GRHL3: variants seen among roughly 807,000 people sequenced by gnomAD.
GRHL3 encodes the protein grainyhead-like protein 3 homolog.
GRHL3 carries 20 observed loss-of-function variants against 70.3 expected under a neutral mutation model. That is an observed-to-expected ratio of 0.28 (90% CI 0.20 to 0.41). GRHL3 has a LOEUF of 0.41. Among genes scored for constraint, GRHL3 ranks in the 10% least tolerant of loss-of-function variants. The pLI is 1.00. For synonymous variants in GRHL3, 299 were observed against 299.9 expected, an observed-to-expected ratio of 1.00 and a Z score of 0.03; for missense variants, 637 against 762.3, an observed-to-expected ratio of 0.84 and a Z score of 1.94.
chr1:24,361,232 G>A (rs1486881198), intron 15 of GRHL3, among the ~76,000 whole-genome samples: 1 of 152,166 alleles, frequency 6.6e-6, no homozygotes, highest in African/African-American at 2.4e-5. Flanking sequence ...TCTGCACATG[G>A]CAATCATGAT....
chr1:24,330,866 C>G (rs1639576751), intron 1 of GRHL3, among the ~76,000 whole-genome samples: 1 of 152,246 alleles, frequency 6.6e-6, no homozygotes, highest in East Asian at 1.9e-4. Flanking sequence ...GCTCAAAACT[C>G]TACAATAAAA....
downstream of GRHL3, among the ~76,000 whole-genome samples, chr1:24,356,426 A>G (rs1216133338): frequency 1.3e-5 from 2 of 151,486 alleles, no homozygotes; most frequent in Admixed American, 6.6e-5. Context: ...TTTTTAGTAA[A>G]GATGGGGTTT....
At chr1:24,362,661 T>C (rs970827469) in intron 15 of GRHL3, among the ~76,000 whole-genome samples, 4 of 152,208 alleles carry the variant, frequency 2.6e-5, no homozygotes, top group African/African-American at 7.2e-5. Flanking sequence ...TGCTGCTTGG[T>C]GACAGACAGG....
chr1:24,358,437 T>C (rs1471955577), downstream of GRHL3: 7 of 954,910 alleles, frequency 7.3e-6, no homozygotes, highest in Non-Finnish European at 1.2e-5. Context: ...ACCCCCCAAG[T>C]TGTCAGCTGC....
Position 24,331,495 on chromosome 1 carries a change from T to C in GRHL3, c.87T>C (p.Asp29=), listed in dbSNP as rs1639612472. 1 of 1,614,124 alleles carries C rather than the reference T, an allele frequency of 6.2e-7. No individual in the cohort carries two copies. Among genetic ancestry groups the C allele is most frequent in the African/African-American group, 1.3e-5 (1 of 75,030 alleles). ...NLQKFSYTSE[D]EAWKTYLENP... ...AGAAATTCTCTTACACTAGTGAGGA[T>C]GAGGCCTGGAAGACGTACCTAGAAA... Residue 29 remains aspartate (D), a synonymous_variant, in exon 2 of 16, where the codon GAT becomes GAC. Coordinates refer to ENST00000361548, the MANE Select transcript of GRHL3 (RefSeq NM_198173.3).
rs946439477 is a variant in GRHL3, at chr1:24,347,483, G to A, written c.1559G>A (p.Arg520Gln). Residue 520 changes from arginine to glutamine, a missense_variant, in exon 14 of 16, where the codon CGG becomes CAG. By Grantham distance (43) the Arg-to-Gln change is conservative. Transcript: ENST00000361548. ...TGCTTTTCAGTTCTGCTGTATGTGC[G>A]GAGGGAGACTGAGGAGGTGTTTGAC... is the stretch of plus-strand genomic sequence containing the variant. ...GDLQRVLLYV[R>Q]RETEEVFDAL... The A allele has an allele frequency of 3.7e-6, 6 of 1,613,984 alleles. No individual in the cohort carries two copies. Among genetic ancestry groups the A allele is most frequent in the Middle Eastern group, 1.6e-4 (1 of 6,084 alleles).
chr1:24,330,404 G>A (rs1557693086), intron 1 of GRHL3, among the ~76,000 whole-genome samples: 1 of 152,106 alleles, frequency 6.6e-6, no homozygotes, highest in Non-Finnish European at 1.5e-5. Flanking sequence ...AATCCCCTCT[G>A]GGCCACTCAC....
intron 15 of GRHL3, among the ~76,000 whole-genome samples, chr1:24,353,129 GC>G (rs1357519803): frequency 6.6e-6 from 1 of 152,188 alleles, no homozygotes; most frequent in Non-Finnish European, 1.5e-5. Flanking sequence ...TCAAATCCCA[GC>G]CCTGCCATCT....
rs1314334111 is a variant in GRHL3 at position 24,322,992 on chromosome 1, C to T, written c.17+3424C>T. The T allele has an allele frequency of 1.7e-5, 21 of 1,216,024 alleles. No individual in the cohort carries two copies. Among genetic ancestry groups the T allele is most frequent in the Non-Finnish European group, 2.2e-5 (19 of 845,714 alleles). The allele number at this position is 1,216,024 out of a possible 1,614,324, so 75.3% of individuals were successfully genotyped here. On this transcript the variant is annotated intron_variant, in intron 1 of 15. Coordinates refer to ENST00000361548, the MANE Select transcript of GRHL3 (RefSeq NM_198173.3). The surrounding 1 kb of genome is among the most constrained non-coding windows in gnomAD (Gnocchi z 4.4). ...CTTAACCGGGTCTTAGCCGAGCAGC[C>T]ATAGGCCACCCCGCTTCCTCTGTGC... is the stretch of plus-strand genomic sequence containing the variant.
Position 24,344,948 on chromosome 1 carries a change from C to A in GRHL3, c.1454+17C>A, listed in dbSNP as rs747520708. The A allele has an allele frequency of 6.2e-7, 1 of 1,612,876 alleles. No homozygotes were observed. The highest frequency in any genetic ancestry group is 1.7e-5 in the Admixed American group (1 of 59,946). ...CTCCAACAGGTATGGAGAGAAACAA[C>A]CACACGCCTCCCTCCACACCTGTGC... On this transcript the variant is annotated intron_variant, in intron 12 of 15. Coordinates refer to ENST00000361548, the MANE Select transcript of GRHL3 (RefSeq NM_198173.3).
At chr1:24,347,257 G>A (rs993610212) in intron 13 of GRHL3, among the ~76,000 whole-genome samples, 2 of 152,214 alleles carry the variant, frequency 1.3e-5, no homozygotes, top group African/African-American at 4.8e-5. Flanking sequence ...CACCTGGCTG[G>A]CAGGTAGTAG....
chr1:24,361,797 T>G (rs1048380343), intron 15 of GRHL3, among the ~76,000 whole-genome samples: 3 of 152,156 alleles, frequency 2.0e-5, no homozygotes, highest in Non-Finnish European at 4.4e-5. Context: ...GACCTGTACT[T>G]GAGTCCTAGC....
rs766150275 is a variant in GRHL3, at chr1:24,337,834, G to T, written c.840+45G>T. ...CTTCAGAAGGGGTGGAATGGGGCAA[G>T]ATATACCTCCTCCTTGGGCTAGCCA... On this transcript the variant is annotated intron_variant, in intron 6 of 15. Transcript: ENST00000361548. The T allele has an allele frequency of 3.1e-6, 5 of 1,612,474 alleles. No individual in the cohort carries two copies. The South Asian group carries it at 5.5e-5, about 18-fold the overall frequency.
rs375095072 is a variant in GRHL3 at position 24,354,423 on chromosome 1, G to A, written c.1744G>A (p.Val582Ile). The change falls in exon 16 of 16, where the codon GTC becomes ATC. Residue 582 changes from valine (V) to isoleucine (I), a missense_variant. Transcript: ENST00000361548. ...CATCATTCAGCATTACAGCAACCAC[G>A]TCGCCTTCCTGCTGGACATGGGGGA... ...NNIIQHYSNH[V>I]AFLLDMGELD... is the part of the protein sequence containing the mutation. 6.4e-5 allele frequency: 104 copies of A among 1,613,796 alleles called. No homozygotes were observed. Among genetic ancestry groups the A allele is most frequent in the Admixed American group, 2.8e-4 (17 of 60,000 alleles).
chr1:24,363,548 A>G (rs1265708989), intron 15 of GRHL3, among the ~76,000 whole-genome samples: 1 of 152,178 alleles, frequency 6.6e-6, no homozygotes, highest in African/African-American at 2.4e-5. Context: ...AAGGCTCTTA[A>G]CCTCCTTAAG....
In GRHL3 at chr1:24,337,687, C is replaced by T. The variant is rs886037767; in HGVS notation, c.738C>T (p.Gly246=). Residue 246 remains glycine (G), a synonymous_variant, in exon 6 of 16, where the codon GGC becomes GGT. Transcript: ENST00000361548. The part of the protein sequence containing the change: ...GSPKAIHIKS[G]ESPMAYLNKG... ...CCAAAGCCATCCACATCAAGTCAGG[C>T]GAGTCACCCATGGCCTACCTCAACA... 2 of 1,614,174 alleles carry T rather than the reference C, an allele frequency of 1.2e-6. No individual in the cohort carries two copies. The highest frequency in any genetic ancestry group is 8.5e-7 in the Non-Finnish European group (1 of 1,180,036).
exon 16 of GRHL3, chr1:24,364,205 C>G: frequency 6.5e-7 from 1 of 1,537,706 alleles, no homozygotes; most frequent in Non-Finnish European, 8.8e-7. Flanking sequence ...CTCCTCCACC[C>G]ACGCCTGTCT....
intron 14 of GRHL3, among the ~76,000 whole-genome samples, chr1:24,349,297 T>C (rs1638986667): frequency 1.3e-5 from 2 of 152,338 alleles, no homozygotes; most frequent in South Asian, 4.1e-4. Context: ...TTTTCGGATG[T>C]GACGGAGTCA....
downstream of GRHL3, chr1:24,358,238 G>A (rs11249092): frequency 0.12 from 69,281 of 596,416 alleles, 4,844 homozygotes; most frequent in Non-Finnish European, 0.15. Flanking sequence ...GCAGGGAGTC[G>A]TGCCGGAAGG....
Sources: gnomAD v4.1 joint callset for allele counts (sites outside exome capture counted in the v4.1 genomes callset) on GRCh38, gnomAD v4.1.1 for gene constraint, Gnocchi (gnomAD v3.1) non-coding constraint, MANE v1.5 for transcripts, NCBI Gene and HGNC (gene_info 2026-07-23, HGNC 2026-07-21) for gene names.